HS3ST4: variants seen among roughly 807,000 people sequenced by gnomAD.
The protein encoded by HS3ST4 is heparan sulfate-glucosamine 3-sulfotransferase 4.
A neutral mutation model predicts 29.2 loss-of-function variants in HS3ST4; 17 were observed. The observed-to-expected ratio is 0.58, with a 90% CI of 0.40 to 0.87. The LOEUF (loss-of-function observed/expected upper bound fraction) is 0.87. Among genes scored for constraint, HS3ST4 ranks in the 40% least tolerant of loss-of-function variants. The pLI, the probability that HS3ST4 is intolerant of heterozygous loss-of-function variation, is 0.00. For synonymous variants in HS3ST4, 314 were observed against 285.7 expected (o/e 1.10, Z -1.00); for missense variants, 627 against 634.5 (o/e 0.99, Z 0.13).
chr16:26,017,459 G>GA (rs1187843067), intron 1 of HS3ST4, among the ~76,000 whole-genome samples: 2 of 152,112 alleles, frequency 1.3e-5, no homozygotes, highest in Non-Finnish European at 2.9e-5. Context: ...AATGAGCTAG[G>GA]AAAAAAATTG....
At chr16:25,864,939 C>T (rs9930309) in intron 1 of HS3ST4, among the ~76,000 whole-genome samples, 1 of 106,524 alleles carries the variant, frequency 9.4e-6, no homozygotes, top group Non-Finnish European at 2.0e-5. Context: ...TATATATATA[C>T]ACACACATAT....
At position 25,932,937 on chromosome 16, in the gene HS3ST4, C is replaced by G. The variant is rs1242417697; in HGVS notation, c.735-202675C>G. Among the ~76,000 whole-genome samples, 11 of 152,192 alleles carry G rather than the reference C, an allele frequency of 7.2e-5. No homozygotes were observed. The East Asian group carries it at 2.1e-3, about 29-fold the overall frequency. ...GGGAAGAGAGAGCGGATCTCAGACA[C>G]AGTAGATCATTTTCAATTCCTCCCT... On this transcript the variant is annotated intron_variant, in intron 1 of 1. Transcript: ENST00000331351.
Position 25,692,787 on chromosome 16 carries a change from G to C in HS3ST4, c.370G>C (p.Asp124His). ...PPEQPAAPGT[D>H]GWGLPSGGGG... ...AGAGCAGCCAGCCGCCCCCGGGACC[G>C]ACGGCTGGGGGCTGCCGAGCGGCGG... is the stretch of plus-strand genomic sequence containing the variant. Residue 124 changes from aspartate (D) to histidine (H), a missense_variant, in exon 1 of 2, where the codon GAC (aspartate) becomes CAC (histidine). This residue lies in a region of HS3ST4 where 402 missense variants were observed against 340.8 expected (regional missense o/e 1.18). Coordinates refer to ENST00000331351, the MANE Select transcript of HS3ST4 (RefSeq NM_006040.3). The C allele has an allele frequency of 7.3e-7, 1 of 1,362,010 alleles. No individual in the cohort carries two copies. Among genetic ancestry groups the C allele is most frequent in the Non-Finnish European group, 9.4e-7 (1 of 1,067,526 alleles). The allele number at this position is 1,362,010 out of a possible 1,614,324, so 84.4% of individuals were successfully genotyped here. A position where few individuals can be genotyped will look rare whatever the true frequency, so the allele number is the denominator to read the frequency against.
Position 25,730,892 on chromosome 16 carries a change from C to T in HS3ST4, c.734+37741C>T, listed in dbSNP as rs371800181. On this transcript the variant is annotated intron_variant, in intron 1 of 1. Coordinates refer to ENST00000331351, the MANE Select transcript of HS3ST4 (RefSeq NM_006040.3). The stretch of plus-strand genomic sequence containing the variant: ...TGATTTACCAGAAGGACTCACAGAA[C>T]GCAGAAAAGTTGTCATATTTGCATT... 9.2e-5 allele frequency among the ~76,000 whole-genome samples: 14 copies of T among 152,170 alleles called. No homozygotes were observed. In the East Asian group the frequency reaches 9.7e-4, roughly 10 times the overall value.
chr16:26,110,203 A>G (rs1485014375), intron 1 of HS3ST4, among the ~76,000 whole-genome samples: 1 of 152,202 alleles, frequency 6.6e-6, no homozygotes, highest in Non-Finnish European at 1.5e-5. Context: ...AGGTTCATCC[A>G]TGCTGTTACA....
chr16:25,725,857 T>C (rs1013056903), intron 1 of HS3ST4, among the ~76,000 whole-genome samples: 1 of 152,052 alleles, frequency 6.6e-6, no homozygotes, highest in African/African-American at 2.4e-5. Flanking sequence ...TTTAACTATG[T>C]TTTCCACTTA....
intron 1 of HS3ST4, among the ~76,000 whole-genome samples, chr16:25,853,231 C>A (rs1967539116): frequency 6.6e-6 from 1 of 151,896 alleles, no homozygotes; most frequent in South Asian, 2.1e-4. Context: ...ATGTTTATTT[C>A]ATATCCCGCA....
At chr16:25,925,060 A>G (rs1322789793) in intron 1 of HS3ST4, among the ~76,000 whole-genome samples, 1 of 152,054 alleles carries the variant, frequency 6.6e-6, no homozygotes, top group Admixed American at 6.6e-5. Context: ...GGCTAAATCC[A>G]GGTACCAGAC....
chr16:25,963,106 C>T (rs3923426), intron 1 of HS3ST4, among the ~76,000 whole-genome samples: 17,687 of 152,154 alleles, frequency 0.12, 1,174 homozygotes, highest in African/African-American at 0.16. Flanking sequence ...CAATGGTGGA[C>T]TTTTGAGCAA....
At chr16:26,122,667 C>T (rs1041356422) in intron 1 of HS3ST4, among the ~76,000 whole-genome samples, 2 of 152,094 alleles carry the variant, frequency 1.3e-5, no homozygotes, top group African/African-American at 4.8e-5. Context: ...TGGGTTGTAT[C>T]AATGTCCATT....
intron 1 of HS3ST4, among the ~76,000 whole-genome samples, chr16:25,977,149 A>G (rs879093399): frequency 6.6e-6 from 1 of 152,134 alleles, no homozygotes; most frequent in Admixed American, 6.5e-5. Flanking sequence ...TTATTATATT[A>G]TTATAATTTT....
intron 1 of HS3ST4, among the ~76,000 whole-genome samples, chr16:25,889,330 C>T (rs1326562672): frequency 3.9e-5 from 6 of 152,152 alleles, no homozygotes; most frequent in South Asian, 2.1e-4. Flanking sequence ...ACAAGAAAGT[C>T]GGGGCTCTCC....
chr16:26,133,606 C>G (rs1251913068), intron 1 of HS3ST4, among the ~76,000 whole-genome samples: 1 of 152,208 alleles, frequency 6.6e-6, no homozygotes, highest in African/African-American at 2.4e-5. Context: ...ACATCCAGCT[C>G]TTTGTGAATT....
At chr16:25,997,543 A>C (rs555870038) in intron 1 of HS3ST4, among the ~76,000 whole-genome samples, 2 of 152,282 alleles carry the variant, frequency 1.3e-5, no homozygotes, top group African/African-American at 4.8e-5. Context: ...ATATCTCTTC[A>C]TCTCTTAATT....
intron 1 of HS3ST4, among the ~76,000 whole-genome samples, chr16:25,963,365 C>T (rs1210786494): frequency 6.6e-6 from 1 of 152,178 alleles, no homozygotes; most frequent in African/African-American, 2.4e-5. Flanking sequence ...TTTTCATGCC[C>T]TCCTTCTTGT....
At chr16:25,800,142 C>G (rs527902582) in intron 1 of HS3ST4, among the ~76,000 whole-genome samples, 26 of 151,562 alleles carry the variant, frequency 1.7e-4, no homozygotes, top group African/African-American at 6.1e-4. Flanking sequence ...CTGAGTGTCC[C>G]CTAGATCATT....
chr16:25,725,425 A>G (rs905594206), intron 1 of HS3ST4, among the ~76,000 whole-genome samples: 19 of 152,192 alleles, frequency 1.2e-4, no homozygotes, highest in Non-Finnish European at 2.1e-4. Context: ...GAGAAAAATT[A>G]CATTCTCCCA....
intron 1 of HS3ST4, among the ~76,000 whole-genome samples, chr16:25,747,172 A>G (rs1966690565): frequency 6.6e-6 from 1 of 152,234 alleles, no homozygotes. Flanking sequence ...ACAATTACTC[A>G]GAAAGAAGTG....
intron 1 of HS3ST4, among the ~76,000 whole-genome samples, chr16:25,765,735 C>A (rs1272795958): frequency 6.6e-6 from 1 of 152,176 alleles, no homozygotes; most frequent in Non-Finnish European, 1.5e-5. Context: ...GCAGAGCCCC[C>A]TACAACAAAC....
Sources: gnomAD v4.1 joint callset for allele counts (sites outside exome capture counted in the v4.1 genomes callset) on GRCh38, gnomAD v4.1.1 for gene constraint, gnomAD v4.1.1 regional missense constraint, MANE v1.5 for transcripts, NCBI Gene and HGNC (gene_info 2026-07-23, HGNC 2026-07-21) for gene names.